The following GRIN2B variants were observed in gnomAD, a reference collection of about 807,000 sequenced individuals.
GRIN2B encodes glutamate ionotropic receptor NMDA type subunit 2B, also known as glutamate receptor ionotropic, NMDA 2B.
Under a neutral mutation model 114.5 loss-of-function variants are expected in GRIN2B, and 5 were observed. The ratio of observed to expected loss-of-function variants is 0.04; its 90% CI spans 0.02 to 0.09. The LOEUF (loss-of-function observed/expected upper bound fraction) is 0.09, where lower values mean the gene tolerates loss of function less well. Ranked by LOEUF, GRIN2B falls within the 10% of genes least tolerant of loss-of-function variation. GRIN2B has a pLI of 1.00. For synonymous variants in GRIN2B, 787 were observed against 745.1 expected (o/e 1.06, Z -0.92); for missense variants, 1,108 against 1,943.5 (o/e 0.57, Z 8.08).
chr12:13,567,854 G>C (rs1338405463), intron 12 of GRIN2B, among the ~76,000 whole-genome samples: 1 of 152,050 alleles, frequency 6.6e-6, no homozygotes. Context: ...TGATGTAAGA[G>C]TGCTGAAGAT....
At chr12:13,967,330 C>G (rs1867805446) in intron 2 of GRIN2B, among the ~76,000 whole-genome samples, 1 of 152,210 alleles carries the variant, frequency 6.6e-6, no homozygotes, top group Non-Finnish European at 1.5e-5. Context: ...CTCTGAGCAT[C>G]AAGTCAACCA....
chr12:13,728,461 AT>A (rs1348347512), intron 4 of GRIN2B, among the ~76,000 whole-genome samples: 1 of 152,186 alleles, frequency 6.6e-6, no homozygotes, highest in Non-Finnish European at 1.5e-5. Flanking sequence ...TGTTTTAAAA[AT>A]AAGAAATTTG....
At chr12:13,858,910 T>C (rs1029054204) in intron 3 of GRIN2B, among the ~76,000 whole-genome samples, 1 of 152,212 alleles carries the variant, frequency 6.6e-6, no homozygotes. Flanking sequence ...TTATCCACCA[T>C]GTCTAAATGG....
chr12:13,718,993 A>G (rs1412105242), intron 4 of GRIN2B, among the ~76,000 whole-genome samples: 1 of 152,040 alleles, frequency 6.6e-6, no homozygotes, highest in Non-Finnish European at 1.5e-5. Context: ...CTAAGTCTCA[A>G]CCACTCACAG....
intron 2 of GRIN2B, among the ~76,000 whole-genome samples, chr12:13,962,724 G>T (rs975600289): frequency 6.6e-6 from 1 of 152,204 alleles, no homozygotes; most frequent in Admixed American, 6.5e-5. Flanking sequence ...GCAGGCGGGC[G>T]GGCGGGCTGA....
intron 3 of GRIN2B, among the ~76,000 whole-genome samples, chr12:13,856,994 T>C (rs1865672906): frequency 6.6e-6 from 1 of 152,206 alleles, no homozygotes; most frequent in Non-Finnish European, 1.5e-5. Flanking sequence ...TAATTACTCT[T>C]GTCATCATAA....
At chr12:13,705,686 C>T (rs534052952) in intron 4 of GRIN2B, among the ~76,000 whole-genome samples, 1 of 152,268 alleles carries the variant, frequency 6.6e-6, no homozygotes, top group South Asian at 2.1e-4. Flanking sequence ...ATCTCCAAAG[C>T]AGTTACTTTG....
intron 3 of GRIN2B, among the ~76,000 whole-genome samples, chr12:13,838,948 A>C (rs1283002057): frequency 6.6e-6 from 1 of 152,174 alleles, no homozygotes; most frequent in Non-Finnish European, 1.5e-5. Context: ...CCCCTCTTGG[A>C]AACACTCCAC....
At chr12:13,976,430 A>G (rs972265070) in intron 2 of GRIN2B, among the ~76,000 whole-genome samples, 3 of 152,228 alleles carry the variant, frequency 2.0e-5, no homozygotes, top group African/African-American at 7.2e-5. Flanking sequence ...GAGGAAAAAG[A>G]GGAGCTTCAT....
intron 10 of GRIN2B, among the ~76,000 whole-genome samples, chr12:13,587,505 C>T (rs1340883126): frequency 6.6e-6 from 1 of 151,996 alleles, no homozygotes; most frequent in Non-Finnish European, 1.5e-5. Flanking sequence ...CAGGTGCTTT[C>T]CACCATGCCC....
rs964193207 is a variant in GRIN2B at position 13,558,586 on chromosome 12, C to T, written c.*4197G>A. ...GCAACTCCTGATGGCCACGGAAGACCGGGTGAGTGATAGTCACTTAACTGT... is the reference window on the plus strand; with the variant it reads ...GCAACTCCTGATGGCCACGGAAGACTGGGTGAGTGATAGTCACTTAACTGT... On this transcript the variant is annotated 3_prime_UTR_variant, in exon 14 of 14. Coordinates refer to ENST00000609686, the MANE Select transcript of GRIN2B (RefSeq NM_000834.5). 9 of 152,120 alleles carry T rather than the reference C, an allele frequency of 5.9e-5. No homozygotes were observed. The highest frequency in any genetic ancestry group is 1.3e-4 in the Non-Finnish European group (9 of 68,050). 9.4% of individuals were successfully genotyped at this position (152,120 alleles called of 1,614,324 possible).
chr12:13,620,775 A>C (rs10845816), intron 5 of GRIN2B, among the ~76,000 whole-genome samples: 146,151 of 152,076 alleles, frequency 0.96, 70,490 homozygotes, highest in East Asian at 1. Context: ...AAATTAAAGC[A>C]CGATGAAGAG....
chr12:13,800,846 A>C (rs916296642), intron 3 of GRIN2B, among the ~76,000 whole-genome samples: 1 of 152,190 alleles, frequency 6.6e-6, no homozygotes. Flanking sequence ...AGATGTCTTA[A>C]ATGTCATGCT....
chr12:13,827,214 C>T (rs1865055250), intron 3 of GRIN2B, among the ~76,000 whole-genome samples: 1 of 101,422 alleles, frequency 9.9e-6, no homozygotes, highest in African/African-American at 3.8e-5. Context: ...TTATAATGTG[C>T]CTTATTGTTG....
chr12:13,815,004 T>A (rs188213594), intron 3 of GRIN2B, among the ~76,000 whole-genome samples: 10 of 152,330 alleles, frequency 6.6e-5, no homozygotes, highest in Non-Finnish European at 7.4e-5. Context: ...AGATTTTGTT[T>A]ATACTGTATC....
At chr12:13,784,235 A>G (rs1022452407) in intron 3 of GRIN2B, among the ~76,000 whole-genome samples, 1 of 81,062 alleles carries the variant, frequency 1.2e-5, no homozygotes, top group Admixed American at 1.1e-4. Context: ...AAAAAAAAAA[A>G]AAAAAAAAAA....
intron 10 of GRIN2B, among the ~76,000 whole-genome samples, chr12:13,588,848 T>C (rs555988022): frequency 2.0e-5 from 3 of 152,266 alleles, no homozygotes; most frequent in African/African-American, 7.2e-5. Flanking sequence ...GGTTCAGAAA[T>C]GATTAAAAGT....
chr12:13,870,901 C>A (rs1056526794), intron 2 of GRIN2B, among the ~76,000 whole-genome samples: 6 of 152,072 alleles, frequency 3.9e-5, no homozygotes, highest in African/African-American at 1.4e-4. Context: ...ACGAGTATAA[C>A]CTTTTTGGAG....
chr12:13,813,331 T>A (rs368009125), intron 3 of GRIN2B, among the ~76,000 whole-genome samples: 7 of 152,088 alleles, frequency 4.6e-5, no homozygotes, highest in Non-Finnish European at 1.0e-4. Flanking sequence ...ATCAGAATTA[T>A]GATATAAGGG....
Sources: allele counts gnomAD v4.1 joint callset (sites outside exome capture counted in the v4.1 genomes callset), GRCh38; gene constraint gnomAD v4.1.1; transcripts MANE v1.5; gene names NCBI Gene and HGNC (gene_info 2026-07-23, HGNC 2026-07-21).